VOPP1: variants seen among roughly 807,000 people sequenced by gnomAD.
VOPP1 encodes WW domain binding protein VOPP1.
A neutral mutation model predicts 23.5 loss-of-function variants in VOPP1; 8 were observed. The ratio of observed to expected loss-of-function variants is 0.34; its 90% CI spans 0.20 to 0.61. The LOEUF (loss-of-function observed/expected upper bound fraction) is 0.61. Ranked by LOEUF, VOPP1 falls within the 20% of genes least tolerant of loss-of-function variation. The pLI, the probability that VOPP1 is intolerant of heterozygous loss-of-function variation, is 0.78. For synonymous variants in VOPP1, 83 were observed against 97.3 expected (o/e 0.85, Z 0.86); for missense variants, 174 against 238.1 (o/e 0.73, Z 1.77).
chr7:55,489,916 C>T (rs1014711610), intron 4 of VOPP1, among the ~76,000 whole-genome samples: 4 of 152,090 alleles, frequency 2.6e-5, no homozygotes, highest in Admixed American at 1.3e-4. Flanking sequence ...GTGAAGCAGC[C>T]AGAGACAACT....
chr7:55,548,337 C>G (rs764658075), intron 1 of VOPP1, among the ~76,000 whole-genome samples: 41 of 152,360 alleles, frequency 2.7e-4, no homozygotes, highest in Non-Finnish European at 5.4e-4. Flanking sequence ...TTCCCCTCCT[C>G]CCAGCAGACC....
chr7:55,446,152 C>T (rs1388799904), intron 4 of VOPP1, among the ~76,000 whole-genome samples: 1 of 152,090 alleles, frequency 6.6e-6, no homozygotes, highest in Non-Finnish European at 1.5e-5. Flanking sequence ...GCCACCACGC[C>T]CAGATAATTT....
intron 1 of VOPP1, chr7:55,537,761 C>T (rs768242745): frequency 3.3e-5 from 45 of 1,366,806 alleles, no homozygotes; most frequent in Non-Finnish European, 3.0e-5. Context: ...CAGGTCCGGC[C>T]CCCAGGCCCA....
chr7:55,482,872 G>A (rs1221109758), intron 4 of VOPP1, among the ~76,000 whole-genome samples: 2 of 152,186 alleles, frequency 1.3e-5, no homozygotes, highest in African/African-American at 4.8e-5. Flanking sequence ...TTTCCTAGCT[G>A]TATAAATCAG....
chr7:55,526,971 C>T (rs76347287), intron 1 of VOPP1: 1,671 of 152,308 alleles, frequency 0.011, 11 homozygotes, highest in Middle Eastern at 0.02. Context: ...CTGCTTTCAG[C>T]TTGAGCCCAA....
intron 2 of VOPP1, among the ~76,000 whole-genome samples, chr7:55,500,131 C>T (rs1794267193): frequency 6.6e-6 from 1 of 152,234 alleles, no homozygotes; most frequent in African/African-American, 2.4e-5. Flanking sequence ...GTGTGGAAGG[C>T]AGAATGCAAC....
At chr7:55,533,435 A>T (rs1471215286) in intron 1 of VOPP1, among the ~76,000 whole-genome samples, 1 of 152,184 alleles carries the variant, frequency 6.6e-6, no homozygotes, top group Non-Finnish European at 1.5e-5. Flanking sequence ...TCCCTGTGCC[A>T]AGAAAAAAAA....
At chr7:55,481,162 G>A (rs765480911) in intron 4 of VOPP1, among the ~76,000 whole-genome samples, 4 of 152,210 alleles carry the variant, frequency 2.6e-5, no homozygotes, top group Admixed American at 1.3e-4. Context: ...GAGACTTTTA[G>A]GCAGAGGAAT....
At chr7:55,516,922 ATATATATATATTTTTTTTTTTTT>A (rs1795464516) in intron 2 of VOPP1, among the ~76,000 whole-genome samples, 2 of 40,826 alleles carry the variant, frequency 4.9e-5, no homozygotes, top group East Asian at 7.0e-4. Flanking sequence ...ATATATATAT[ATATATATATATTTTTTTTTTTTT>A]TTTTTTTTTT....
intron 4 of VOPP1, among the ~76,000 whole-genome samples, chr7:55,488,600 T>C (rs1226993882): frequency 6.6e-6 from 1 of 152,126 alleles, no homozygotes; most frequent in East Asian, 1.9e-4. Flanking sequence ...GATTCTCTGC[T>C]TTCCCATGCT....
chr7:55,499,427 A>G (rs1277745897), intron 2 of VOPP1, among the ~76,000 whole-genome samples: 1 of 151,912 alleles, frequency 6.6e-6, no homozygotes, highest in Non-Finnish European at 1.5e-5. Context: ...CACTCCTGAC[A>G]CTCCATGCAT....
chr7:55,519,242 G>A (rs1324939137), intron 2 of VOPP1, among the ~76,000 whole-genome samples: 1 of 152,228 alleles, frequency 6.6e-6, no homozygotes, highest in African/African-American at 2.4e-5. Context: ...AAGCGCGAAA[G>A]GAAACTGGGC....
At chr7:55,506,840 T>C (rs1434598210) in intron 2 of VOPP1, among the ~76,000 whole-genome samples, 1 of 152,226 alleles carries the variant, frequency 6.6e-6, no homozygotes, top group Non-Finnish European at 1.5e-5. Flanking sequence ...GGTTTACCCA[T>C]GTTGGTCAGG....
chr7:55,516,919 TATATATATATATA>T (rs1375300784), intron 2 of VOPP1, among the ~76,000 whole-genome samples: 10 of 35,758 alleles, frequency 2.8e-4, no homozygotes, highest in African/African-American at 1.1e-3. Flanking sequence ...TATATATATA[TATATATATATATA>T]TTTTTTTTTT....
chr7:55,468,906 T>C (rs900814154), downstream of VOPP1, among the ~76,000 whole-genome samples: 4 of 152,192 alleles, frequency 2.6e-5, no homozygotes, highest in Non-Finnish European at 5.9e-5. Context: ...CAGGTCACAG[T>C]ATTTGAGGAT....
intron 4 of VOPP1, among the ~76,000 whole-genome samples, chr7:55,444,892 T>C (rs1046328656): frequency 6.6e-6 from 1 of 152,176 alleles, no homozygotes; most frequent in African/African-American, 2.4e-5. Flanking sequence ...AAATTTGGCA[T>C]TATTTGCCAT....
chr7:55,561,836 C>T (rs375649154), intron 1 of VOPP1: 22 of 642,250 alleles, frequency 3.4e-5, no homozygotes, highest in East Asian at 1.7e-4. Flanking sequence ...TTGCCCAAGT[C>T]GGGGACTTAA....
At chr7:55,562,088 G>A (rs184834345) in intron 1 of VOPP1, 98 of 702,914 alleles carry the variant, frequency 1.4e-4, no homozygotes, top group Admixed American at 6.0e-4. Context: ...TCCAGGTGCA[G>A]GTAATTGTTC....
At chr7:55,489,956 T>C (rs1481150638) in intron 4 of VOPP1, among the ~76,000 whole-genome samples, 1 of 151,946 alleles carries the variant, frequency 6.6e-6, no homozygotes, top group African/African-American at 2.4e-5. Context: ...GAGCAGCACC[T>C]TGGAGGAAGG....
Sources: allele counts gnomAD v4.1 joint callset (sites outside exome capture counted in the v4.1 genomes callset), GRCh38; gene constraint gnomAD v4.1.1; transcripts MANE v1.5; gene names NCBI Gene and HGNC (gene_info 2026-07-23, HGNC 2026-07-21).